IMPDH1: variants seen among roughly 807,000 people sequenced by gnomAD.
IMPDH1 encodes inosine monophosphate dehydrogenase 1.
IMPDH1 carries 41 observed loss-of-function variants against 73.5 expected under a neutral mutation model. That is an observed-to-expected ratio of 0.56 (90% CI 0.43 to 0.72). The LOEUF is 0.72. IMPDH1 is among the 30% of genes least tolerant of loss of function. The pLI, the probability that IMPDH1 is intolerant of heterozygous loss-of-function variation, is 0.00. For missense variants in IMPDH1, 645 were observed against 824.8 expected (o/e 0.78, Z 2.67); for synonymous variants, 318 against 334.3 (o/e 0.95, Z 0.53).
chr7:128,402,562 T>C (rs1168718241), intron 5 of IMPDH1, among the ~76,000 whole-genome samples: 1 of 152,226 alleles, frequency 6.6e-6, no homozygotes, highest in Non-Finnish European at 1.5e-5. Flanking sequence ...AATTTCCCCC[T>C]GAAAATCTGT....
chr7:128,405,208 G>A (rs1000281723), intron 4 of IMPDH1, among the ~76,000 whole-genome samples: 2 of 152,250 alleles, frequency 1.3e-5, no homozygotes, highest in African/African-American at 4.8e-5. Context: ...CATGTAGGGT[G>A]GGCTTAGGGG....
In IMPDH1 at chr7:128,396,376, G is replaced by A. The variant is rs944833350; in HGVS notation, c.1261+224C>T. Among the ~76,000 whole-genome samples, 1 of 152,190 alleles carries A rather than the reference G, an allele frequency of 6.6e-6. No homozygotes were observed. The highest frequency in any genetic ancestry group is 2.4e-5 in the African/African-American group (1 of 41,450). The stretch of plus-strand genomic sequence containing the variant: ...CCCCAGGCCCCAAGCCCCAGGCAGA[G>A]CCCCCTTGACCGCACTCTGAGAAGC... On this transcript the variant is annotated intron_variant, in intron 12 of 16. Transcript: ENST00000338791. This position sits in a 1 kb window ranked among gnomAD's most constrained non-coding sequence, Gnocchi z 4.0.
At position 128,409,824 on chromosome 7, in the gene IMPDH1, G is replaced by T; in HGVS notation, c.78C>A (p.His26Gln). 6.7e-7 allele frequency: 1 copy of T among 1,497,634 alleles called. No individual in the cohort carries two copies. Among genetic ancestry groups the T allele is most frequent in the Non-Finnish European group, 8.8e-7 (1 of 1,130,868 alleles). The allele number at this position is 1,497,634 out of a possible 1,614,324, so 92.8% of individuals were successfully genotyped here. ...AAVPEPGARQHPGHETAAQRY... is the reference protein window; with the variant it reads ...AAVPEPGARQQPGHETAAQRY... ...GCTGCGCCGCCGTCTCGTGTCCCGG[G>T]TGTTGCCGGGCTCCGGGCTCCGGAA... The change falls in exon 1 of 17, where the codon CAC (histidine) becomes CAA (glutamine). Residue 26 changes from histidine (H) to glutamine (Q), a missense_variant. By Grantham distance (24) the His-to-Gln change is conservative. Around this residue, in one of 2 missense-constraint regions of IMPDH1, gnomAD observed 186 missense variants for 186.6 expected, o/e 1.00. Transcript: ENST00000338791.
Position 128,400,554 on chromosome 7 carries a change from G to GGGGGAGGAAAAGGCTGGAAGAAAGCC in IMPDH1, c.580-41_580-16dup. 1 of 1,608,198 alleles carries GGGGGAGGAAAAGGCTGGAAGAAAGCC rather than the reference G, an allele frequency of 6.2e-7. No homozygotes were observed. Among genetic ancestry groups the GGGGGAGGAAAAGGCTGGAAGAAAGCC allele is most frequent in the South Asian group, 1.1e-5 (1 of 90,406 alleles). On this transcript the variant is annotated splice_polypyrimidine_tract_variant and intron_variant, in intron 7 of 16. Coordinates refer to ENST00000338791, the MANE Select transcript of IMPDH1 (RefSeq NM_000883.4). ...TGTTCAAACTTCTGCGGGCAGAGAT[G>GGGGGAGGAAAAGGCTGGAAGAAAGCC]GGGGAGGAAAAGGCTGGAAGAAAGC...
At chr7:128,395,597 T>C (rs564299977) in intron 12 of IMPDH1, among the ~76,000 whole-genome samples, 1 of 152,340 alleles carries the variant, frequency 6.6e-6, no homozygotes. Context: ...CCTTCAAGGC[T>C]TTTGTTTGCA....
chr7:128,392,972 C>T lies in IMPDH1; in HGVS notation c.*35G>A. 6.2e-7 allele frequency: 1 copy of T among 1,609,976 alleles called. No homozygotes were observed. The highest frequency in any genetic ancestry group is 8.5e-7 in the Non-Finnish European group (1 of 1,176,408). On this transcript the variant is annotated 3_prime_UTR_variant, in exon 17 of 17. Transcript: ENST00000338791. ...GTGCCCAAAAGTGGACACTGGGGTG[C>T]ATCCCCTCCACCACCTCGGCCTCCA...
Position 128,409,928 on chromosome 7 carries a change from G to T in IMPDH1, c.-27C>A. 1.5e-6 allele frequency: 2 copies of T among 1,336,920 alleles called. No individual in the cohort carries two copies. The highest frequency in any genetic ancestry group is 6.2e-5 in the East Asian group (2 of 32,122). 82.8% of individuals were successfully genotyped at this position (1,336,920 alleles called of 1,614,324 possible). On this transcript the variant is annotated 5_prime_UTR_variant, in exon 1 of 17. Coordinates refer to ENST00000338791, the MANE Select transcript of IMPDH1 (RefSeq NM_000883.4). ...CGGAGGCCGCAGCTCAGGGCGGGCG[G>T]GAGCCTGGAGGCTCCCGGGGCCCCG... is the stretch of plus-strand genomic sequence containing the variant.
chr7:128,409,055 G>T (rs1033791109), intron 3 of IMPDH1, among the ~76,000 whole-genome samples: 1 of 152,218 alleles, frequency 6.6e-6, no homozygotes, highest in Non-Finnish European at 1.5e-5. Flanking sequence ...CCTCTGGACC[G>T]GAAGGACAGT....
intron 12 of IMPDH1, 62 bp from the exon 13 acceptor site, chr7:128,395,336 G>A (rs1204640796): frequency 1.0e-5 from 16 of 1,588,558 alleles, no homozygotes; most frequent in African/African-American, 1.3e-5. Context: ...GGCCTGGAGC[G>A]GGGCCAGCCC....
intron 5 of IMPDH1, 45 bp from the exon 6 acceptor site, chr7:128,401,161 G>T (rs1336303879): frequency 2.8e-6 from 4 of 1,432,916 alleles, no homozygotes; most frequent in Non-Finnish European, 3.9e-6. Context: ...ATCACCCACT[G>T]GACACTCACT....
Position 128,398,367 on chromosome 7 carries a change from G to A in IMPDH1, c.1074+47C>T, listed in dbSNP as rs1204172657. 6.6e-7 allele frequency: 1 copy of A among 1,520,306 alleles called. No homozygotes were observed. Among genetic ancestry groups the A allele is most frequent in the Non-Finnish European group, 9.1e-7 (1 of 1,097,158 alleles). The allele number at this position is 1,520,306 out of a possible 1,614,324, so 94.2% of individuals were successfully genotyped here. On this transcript the variant is annotated intron_variant, in intron 10 of 16. Coordinates refer to ENST00000338791, the MANE Select transcript of IMPDH1 (RefSeq NM_000883.4). The surrounding 1 kb of genome is among the most constrained non-coding windows in gnomAD (Gnocchi z 4.3). Reference sequence around the variant, plus strand: ...CTGGGTCCTCATAAACCTCCACTCTGCTGAACCACTCATCCATCTCCCCCA... The same window carrying A: ...CTGGGTCCTCATAAACCTCCACTCTACTGAACCACTCATCCATCTCCCCCA...
chr7:128,402,648 C>T (rs1457125978), intron 5 of IMPDH1, among the ~76,000 whole-genome samples: 1 of 152,204 alleles, frequency 6.6e-6, no homozygotes, highest in Non-Finnish European at 1.5e-5. Flanking sequence ...CACTCAGGCC[C>T]TCTGGCCTTT....
At chr7:128,404,272 C>T (rs1243508673) in intron 4 of IMPDH1, among the ~76,000 whole-genome samples, 2 of 152,140 alleles carry the variant, frequency 1.3e-5, no homozygotes, top group Admixed American at 1.3e-4. Flanking sequence ...GGAGGGACCC[C>T]AGGGGGCTGA....
intron 10 of IMPDH1, among the ~76,000 whole-genome samples, chr7:128,397,738 AT>A (rs145250164): frequency 0.069 from 10,314 of 150,080 alleles, 744 homozygotes; most frequent in East Asian, 0.24. Flanking sequence ...CAATTTGTCA[AT>A]TTTTTTTTTA....
Position 128,396,208 on chromosome 7 carries a change from C to T in IMPDH1, c.1261+392G>A, listed in dbSNP as rs1013978672. ...CTTTGTAATTGGGTGGAACTCCCCA[C>T]GCCCAACCACATGGTGAAGCAGGTG... is the stretch of plus-strand genomic sequence containing the variant. On this transcript the variant is annotated intron_variant, in intron 12 of 16. Coordinates refer to ENST00000338791, the MANE Select transcript of IMPDH1 (RefSeq NM_000883.4). This position sits in a 1 kb window ranked among gnomAD's most constrained non-coding sequence, Gnocchi z 4.0. 8.5e-5 allele frequency among the ~76,000 whole-genome samples: 13 copies of T among 152,214 alleles called. No individual in the cohort carries two copies. Among genetic ancestry groups the T allele is most frequent in the Admixed American group, 3.9e-4 (6 of 15,290 alleles).
Position 128,397,017 on chromosome 7 carries a change from C to G in IMPDH1, c.1080G>C (p.Ser360=). 1 of 1,613,322 alleles carries G rather than the reference C, an allele frequency of 6.2e-7. No individual in the cohort carries two copies. The highest frequency in any genetic ancestry group is 8.5e-7 in the Non-Finnish European group (1 of 1,179,282). ...TCTGATACACCGAATTCCCTTGGGA[C>G]GAGTCCTGTGAGAAAGGACGGAAGA... is the stretch of plus-strand genomic sequence containing the variant. The part of the protein sequence containing the change: ...QAGVDVIVLD[S]SQGNSVYQIA... Residue 360 remains serine (S), a synonymous_variant, in exon 11 of 17, where the codon TCG becomes TCC. Coordinates refer to ENST00000338791, the MANE Select transcript of IMPDH1 (RefSeq NM_000883.4).
At chr7:128,409,263 T>C in intron 3 of IMPDH1, 26 bp downstream of exon 3, 1 of 1,598,398 alleles carries the variant, frequency 6.3e-7, no homozygotes, top group East Asian at 2.2e-5. Context: ...TCTCAGTGCA[T>C]GGTGAGGAGG....
In IMPDH1 at chr7:128,405,805, C is replaced by T; in HGVS notation, c.315G>A (p.Ala105=). ...TGYVPEDGLT[A]QQLFASADGL... ...CGTCGGCGCTGGCGAAGAGCTGCTG[C>T]GCGGTGAGCCCATCCTCGGGCACGT... Residue 105 remains alanine (A), a synonymous_variant, in exon 4 of 17, where the codon GCG becomes GCA. Transcript: ENST00000338791. The T allele has an allele frequency of 6.5e-7, 1 of 1,542,808 alleles. No individual in the cohort carries two copies. The highest frequency in any genetic ancestry group is 8.7e-7 in the Non-Finnish European group (1 of 1,145,854).
chr7:128,396,947 C>T lies in IMPDH1; in HGVS notation c.1150G>A (p.Val384Met), dbSNP rs964891044. 6.2e-7 allele frequency: 1 copy of T among 1,613,502 alleles called. No individual in the cohort carries two copies. Residue 384 changes from valine to methionine, a missense_variant, in exon 11 of 17, where the codon GTG (valine) becomes ATG (methionine). Transcript: ENST00000338791. The surrounding 1 kb of genome is among the most constrained non-coding windows in gnomAD (Gnocchi z 4.0). ...CCGCACTCACCGTTCCCCCCAATCA[C>T]CTGGAGGTGGGGGTACTTCTGTTTG... ...YIKQKYPHLQ[V>M]IGGNVVTAAQ...
Sources: allele counts gnomAD v4.1 joint callset (sites outside exome capture counted in the v4.1 genomes callset), GRCh38; gene constraint gnomAD v4.1.1; regional missense constraint gnomAD v4.1.1; non-coding constraint Gnocchi (gnomAD v3.1); transcripts MANE v1.5; gene names NCBI Gene and HGNC (gene_info 2026-07-23, HGNC 2026-07-21).